Variants in CSMD1 observed in about 807,000 individuals in gnomAD.
CSMD1 encodes CUB and sushi domain-containing protein 1.
CSMD1 carries 213 observed loss-of-function variants against 417.5 expected under a neutral mutation model. That is an observed-to-expected ratio of 0.51 (90% CI 0.46 to 0.57). CSMD1 has a LOEUF of 0.57. CSMD1 is among the 20% of genes least tolerant of loss of function. The probability of loss-of-function intolerance (pLI) is 0.00; values close to 1 mark genes in which losing one functional copy is unlikely to be tolerated. For synonymous variants in CSMD1, 2,862 were observed against 1,736.8 expected (o/e 1.65, Z -16.11); for missense variants, 6,923 against 4,529.7 (o/e 1.53, Z -15.17).
intron 2 of CSMD1, among the ~76,000 whole-genome samples, chr8:4,580,063 C>A (rs1799339728): frequency 6.6e-6 from 1 of 152,180 alleles, no homozygotes; most frequent in Admixed American, 6.5e-5. Context: ...GTGTGTTTCT[C>A]TGCTTTTGTT....
chr8:4,035,192 G>A (rs117696555), intron 3 of CSMD1, among the ~76,000 whole-genome samples: 1 of 152,152 alleles, frequency 6.6e-6, no homozygotes, highest in East Asian at 1.9e-4. Context: ...CCGTCATGAG[G>A]TCGTAGTGCC....
At chr8:3,253,909 C>T (rs555464101) in intron 26 of CSMD1, among the ~76,000 whole-genome samples, 11 of 152,260 alleles carry the variant, frequency 7.2e-5, no homozygotes, top group Non-Finnish European at 1.6e-4. Flanking sequence ...GAATTTGATC[C>T]TGTCATTATG....
rs770506349 is a variant in CSMD1 at position 4,788,220 on chromosome 8, A to G, written c.86-150662T>C. On this transcript the variant is annotated intron_variant, in intron 1 of 69. Transcript: ENST00000635120. ...TGAACTTTGAGTAACATCTGCGCAT[A>G]AAGGACCAGATGAAACTCTGAGGGT... 3.7e-4 allele frequency: 591 copies of G among 1,585,638 alleles called. 1 individual carries two copies. Among genetic ancestry groups the G allele is most frequent in the Non-Finnish European group, 4.2e-4 (481 of 1,157,952 alleles).
chr8:4,768,408 G>A (rs776641576), intron 1 of CSMD1, among the ~76,000 whole-genome samples: 1 of 152,180 alleles, frequency 6.6e-6, no homozygotes, highest in African/African-American at 2.4e-5. Flanking sequence ...CATACAGTCT[G>A]CCGGGTGTCA....
intron 1 of CSMD1, among the ~76,000 whole-genome samples, chr8:4,768,987 A>G (rs1479425815): frequency 1.3e-5 from 2 of 152,242 alleles, no homozygotes; most frequent in African/African-American, 2.4e-5. Flanking sequence ...CTGTTATTTC[A>G]TGTGAAGAAG....
chr8:2,948,066 G>A (rs1802373138), intron 68 of CSMD1, among the ~76,000 whole-genome samples: 1 of 151,714 alleles, frequency 6.6e-6, no homozygotes, highest in East Asian at 1.9e-4. Context: ...AGGTGGCTCT[G>A]GTATCAAAGC....
At chr8:2,950,561 T>G (rs1319114959) in intron 66 of CSMD1, among the ~76,000 whole-genome samples, 1 of 152,166 alleles carries the variant, frequency 6.6e-6, no homozygotes, top group East Asian at 1.9e-4. Context: ...ATAGGTATAA[T>G]CCACTCCACT....
intron 25 of CSMD1, among the ~76,000 whole-genome samples, chr8:3,287,897 G>C (rs1420534571): frequency 6.9e-6 from 1 of 144,580 alleles, no homozygotes; most frequent in African/African-American, 2.7e-5. Flanking sequence ...CAAAGGGAAT[G>C]CTTCCAGTTT....
intron 3 of CSMD1, among the ~76,000 whole-genome samples, chr8:4,260,854 G>T (rs779108): frequency 6.6e-6 from 1 of 152,130 alleles, no homozygotes; most frequent in Non-Finnish European, 1.5e-5. Context: ...ATTGTTTTTT[G>T]TTAGAAAGAC....
At chr8:4,254,958 C>T (rs554955809) in intron 3 of CSMD1, among the ~76,000 whole-genome samples, 1 of 152,292 alleles carries the variant, frequency 6.6e-6, no homozygotes, top group South Asian at 2.1e-4. Flanking sequence ...GAGTGGACTC[C>T]ATAACCATCG....
At chr8:4,697,468 G>A (rs1389436759) in intron 1 of CSMD1, among the ~76,000 whole-genome samples, 1 of 152,054 alleles carries the variant, frequency 6.6e-6, no homozygotes, top group Non-Finnish European at 1.5e-5. Context: ...TAAAAAATTT[G>A]GCAGCTATTA....
At chr8:4,963,921 A>T (rs1453373042) in intron 1 of CSMD1, among the ~76,000 whole-genome samples, 1 of 152,090 alleles carries the variant, frequency 6.6e-6, no homozygotes, top group Non-Finnish European at 1.5e-5. Context: ...CACCTCACTT[A>T]CTAGTATTAA....
At chr8:3,467,778 T>A (rs1816865616) in intron 12 of CSMD1, among the ~76,000 whole-genome samples, 1 of 152,214 alleles carries the variant, frequency 6.6e-6, no homozygotes, top group South Asian at 2.1e-4. Context: ...GCTTGTTGAT[T>A]TAGGATTGGT....
At chr8:4,004,229 T>C (rs1815926208) in intron 4 of CSMD1, among the ~76,000 whole-genome samples, 1 of 152,120 alleles carries the variant, frequency 6.6e-6, no homozygotes, top group Non-Finnish European at 1.5e-5. Flanking sequence ...TTCAATCTTT[T>C]GTCAAGAAAT....
intron 7 of CSMD1, among the ~76,000 whole-genome samples, chr8:3,624,810 T>A (rs1434708716): frequency 6.6e-6 from 1 of 152,224 alleles, no homozygotes; most frequent in Admixed American, 6.5e-5. Flanking sequence ...TTCAGCATTT[T>A]GTAGACTCAG....
At chr8:4,571,441 T>C (rs897290564) in intron 2 of CSMD1, among the ~76,000 whole-genome samples, 1 of 152,174 alleles carries the variant, frequency 6.6e-6, no homozygotes, top group African/African-American at 2.4e-5. Context: ...TTCCATGTAG[T>C]TGATGCAGTT....
At chr8:4,299,939 T>G (rs1489660114) in intron 3 of CSMD1, among the ~76,000 whole-genome samples, 1 of 152,162 alleles carries the variant, frequency 6.6e-6, no homozygotes, top group Non-Finnish European at 1.5e-5. Flanking sequence ...CAGACACTAT[T>G]TTTCAAGTTA....
intron 12 of CSMD1, among the ~76,000 whole-genome samples, chr8:3,446,269 T>C (rs1815301869): frequency 6.6e-6 from 1 of 152,234 alleles, no homozygotes. Context: ...CGGAAACGTG[T>C]GCTGCATGGG....
chr8:3,607,881 A>G (rs183773103), intron 8 of CSMD1, among the ~76,000 whole-genome samples: 3 of 152,130 alleles, frequency 2.0e-5, no homozygotes, highest in African/African-American at 7.2e-5. Context: ...TAAGAAGTAA[A>G]GGAAGTAGCC....
Sources: allele counts gnomAD v4.1 joint callset (sites outside exome capture counted in the v4.1 genomes callset), GRCh38; gene constraint gnomAD v4.1.1; transcripts MANE v1.5; gene names NCBI Gene and HGNC (gene_info 2026-07-23, HGNC 2026-07-21).